Variants in SPATA13 observed in about 807,000 individuals in gnomAD.
SPATA13 encodes the protein spermatogenesis associated 13, also known as spermatogenesis-associated protein 13.
Under a neutral mutation model 104.0 loss-of-function variants are expected in SPATA13, and 50 were observed. The ratio of observed to expected loss-of-function variants is 0.48; its 90% confidence interval spans 0.38 to 0.61. The LOEUF (loss-of-function observed/expected upper bound fraction) is 0.61, where lower values mean the gene tolerates loss of function less well. SPATA13 is among the 20% of genes least tolerant of loss of function. The pLI is 0.00. For missense variants in SPATA13, 1,524 were observed against 1,690.6 expected, an observed-to-expected ratio of 0.90 and a Z score of 1.73; for synonymous variants, 606 against 667.5, an observed-to-expected ratio of 0.91 and a Z score of 1.42.
At chr13:24,078,211 C>T (rs962442809) in intron 3 of SPATA13, among the ~76,000 whole-genome samples, 1 of 152,190 alleles carries the variant, frequency 6.6e-6, no homozygotes, top group Non-Finnish European at 1.5e-5. Flanking sequence ...AGACTTGGTG[C>T]TGCCCACCCT....
intron 4 of SPATA13, among the ~76,000 whole-genome samples, chr13:24,259,651 A>T (rs1347343007): frequency 1.6e-4 from 25 of 152,354 alleles, no homozygotes; most frequent in Non-Finnish European, 1.5e-5. Context: ...TATTGGTTGT[A>T]AAACCTCATC....
chr13:24,038,324 C>T (rs1048345486), intron 3 of SPATA13, among the ~76,000 whole-genome samples: 2 of 151,364 alleles, frequency 1.3e-5, no homozygotes, highest in African/African-American at 4.8e-5. Flanking sequence ...GCAAATCCTT[C>T]CTCGATTGTG....
chr13:24,260,601 A>AT (rs1328969558), intron 4 of SPATA13, among the ~76,000 whole-genome samples: 2 of 152,262 alleles, frequency 1.3e-5, no homozygotes, highest in Non-Finnish European at 2.9e-5. Context: ...TGACAATGAA[A>AT]TAGAATACTT....
At chr13:24,002,553 G>T (rs187865727) in intron 2 of SPATA13, among the ~76,000 whole-genome samples, 1 of 152,116 alleles carries the variant, frequency 6.6e-6, no homozygotes, top group Non-Finnish European at 1.5e-5. Context: ...GGCCTGGTCA[G>T]GGGGGTGAGT....
Position 24,224,057 on chromosome 13 carries a change from C to T in SPATA13, c.1128C>T (p.Gly376=), listed in dbSNP as rs771111074. 17 of 1,548,242 alleles carry T rather than the reference C, an allele frequency of 1.1e-5. No homozygotes were observed. Among genetic ancestry groups the T allele is most frequent in the South Asian group, 9.5e-5 (8 of 83,926 alleles). ...SRSTEQDSRR[G]GAVMHGTTAT... is the part of the protein sequence containing the mutation. ...GCACTGAGCAGGACAGCAGGCGGGG[C>T]GGGGCGGTCATGCATGGGACCACTG... is the stretch of plus-strand genomic sequence containing the variant. Residue 376 remains glycine (G), a synonymous_variant, in exon 2 of 13, where the codon GGC becomes GGT. Transcript: ENST00000382108.
intron 3 of SPATA13, among the ~76,000 whole-genome samples, chr13:24,144,494 C>T (rs1881867001): frequency 6.6e-6 from 1 of 152,164 alleles, no homozygotes; most frequent in African/African-American, 2.4e-5. Context: ...TGGAGGATGG[C>T]AAAACCCAGC....
At chr13:24,152,000 C>G (rs1252043972) in intron 3 of SPATA13, among the ~76,000 whole-genome samples, 2 of 152,196 alleles carry the variant, frequency 1.3e-5, no homozygotes, top group Non-Finnish European at 2.9e-5. Flanking sequence ...GCCTGGTTTT[C>G]TAAAGGTGGC....
intron 1 of SPATA13, among the ~76,000 whole-genome samples, chr13:24,219,081 A>T (rs557053062): frequency 1.3e-5 from 2 of 151,646 alleles, no homozygotes; most frequent in East Asian, 3.9e-4. Context: ...ATTTCACAAT[A>T]TTCCTATCTG....
intron 3 of SPATA13, among the ~76,000 whole-genome samples, chr13:24,045,533 A>G (rs1476994269): frequency 6.6e-6 from 1 of 152,224 alleles, no homozygotes; most frequent in East Asian, 1.9e-4. Flanking sequence ...AATTGTTACA[A>G]ACATTGTAGA....
intron 1 of SPATA13, among the ~76,000 whole-genome samples, chr13:24,216,777 A>C (rs1310850228): frequency 6.6e-6 from 1 of 152,216 alleles, no homozygotes; most frequent in Non-Finnish European, 1.5e-5. Context: ...ATGGCTGGGC[A>C]TGGTGGCTCA....
At chr13:24,208,968 A>C (rs1870862980) in intron 1 of SPATA13, among the ~76,000 whole-genome samples, 1 of 152,202 alleles carries the variant, frequency 6.6e-6, no homozygotes, top group Admixed American at 6.5e-5. Context: ...GTTCCTAGAA[A>C]ATAGAGATTG....
chr13:24,123,363 AC>A, intron 3 of SPATA13: 2 of 1,299,114 alleles, frequency 1.5e-6, no homozygotes, highest in Non-Finnish European at 2.2e-6. Flanking sequence ...ATAGTGAATT[AC>A]CCAGCAAGCC....
At chr13:24,100,307 G>C (rs1188419852) in intron 3 of SPATA13, among the ~76,000 whole-genome samples, 1 of 152,202 alleles carries the variant, frequency 6.6e-6, no homozygotes, top group Middle Eastern at 3.2e-3. Flanking sequence ...CTGGCTCAGA[G>C]GTACTGCCTG....
intron 1 of SPATA13, among the ~76,000 whole-genome samples, chr13:24,173,138 T>C (rs1036688752): frequency 2.0e-5 from 3 of 152,100 alleles, no homozygotes; most frequent in South Asian, 2.1e-4. Flanking sequence ...AGTGCAGTGG[T>C]GCGATCTTGG....
At chr13:24,001,791 G>A (rs922327584) in intron 2 of SPATA13, among the ~76,000 whole-genome samples, 1 of 152,040 alleles carries the variant, frequency 6.6e-6, no homozygotes, top group Non-Finnish European at 1.5e-5. Context: ...GGTGGGGGCC[G>A]GGAGGTGAGG....
chr13:24,245,584 CTTTTTTTTTTTTT>C (rs61316306), intron 2 of SPATA13, among the ~76,000 whole-genome samples: 1 of 88,630 alleles, frequency 1.1e-5, no homozygotes, highest in Non-Finnish European at 2.0e-5. Context: ...ACAGTTGTTT[CTTTTTTTTTTTTT>C]TTTTTTTTTT....
intron 3 of SPATA13, among the ~76,000 whole-genome samples, chr13:24,120,391 T>G (rs1325662): frequency 0.19 from 29,505 of 152,246 alleles, 4,705 homozygotes; most frequent in African/African-American, 0.42. Flanking sequence ...GGGGAAGATG[T>G]ATGGCTAAGC....
At chr13:24,170,407 T>C (rs1427528324) in intron 1 of SPATA13, among the ~76,000 whole-genome samples, 1 of 152,220 alleles carries the variant, frequency 6.6e-6, no homozygotes, top group African/African-American at 2.4e-5. Context: ...TCTAGTAGCC[T>C]TTTAAAATTT....
At chr13:24,155,972 A>G (rs1220879562), upstream of SPATA13, among the ~76,000 whole-genome samples, 1 of 152,126 alleles carries the variant, frequency 6.6e-6, no homozygotes, top group African/African-American at 2.4e-5. Flanking sequence ...ATTTAATGTA[A>G]TGTCCTCAGG....
Sources: gnomAD v4.1 joint callset for allele counts (sites outside exome capture counted in the v4.1 genomes callset) on GRCh38, gnomAD v4.1.1 for gene constraint, MANE v1.5 for transcripts, NCBI Gene and HGNC (gene_info 2026-07-23, HGNC 2026-07-21) for gene names.